ZFAND3: variants seen among roughly 807,000 people sequenced by gnomAD.
ZFAND3 encodes the protein zinc finger AN1-type containing 3, also known as AN1-type zinc finger protein 3.
A neutral mutation model predicts 29.6 loss-of-function variants in ZFAND3; 10 were observed. The observed-to-expected ratio is 0.34, with a 90% CI of 0.21 to 0.57. ZFAND3 has a LOEUF of 0.57. Among genes scored for constraint, ZFAND3 ranks in the 20% least tolerant of loss-of-function variants. The pLI is 0.86. For missense variants in ZFAND3, 230 were observed against 304.5 expected, an observed-to-expected ratio of 0.76 and a Z score of 1.82; for synonymous variants, 128 against 112.6, an observed-to-expected ratio of 1.14 and a Z score of -0.87.
chr6:38,103,469 GTATA>G (rs1165121927), intron 4 of ZFAND3, among the ~76,000 whole-genome samples: 1 of 136,272 alleles, frequency 7.3e-6, no homozygotes, highest in Non-Finnish European at 1.5e-5. Context: ...ATATACACGT[GTATA>G]TATATACACA....
chr6:38,105,380 G>A (rs988007641), intron 4 of ZFAND3, among the ~76,000 whole-genome samples: 4 of 152,142 alleles, frequency 2.6e-5, no homozygotes, highest in South Asian at 2.1e-4. Flanking sequence ...ACTCCAGCTC[G>A]GGTAACAGAG....
At chr6:38,150,456 G>C (rs1299952567) in intron 5 of ZFAND3, among the ~76,000 whole-genome samples, 1 of 152,202 alleles carries the variant, frequency 6.6e-6, no homozygotes, top group African/African-American at 2.4e-5. Flanking sequence ...TTCCTAGTAG[G>C]GTGTGAGTGC....
intron 2 of ZFAND3, among the ~76,000 whole-genome samples, chr6:37,961,441 G>A (rs1045180780): frequency 6.6e-6 from 1 of 152,240 alleles, no homozygotes; most frequent in African/African-American, 2.4e-5. Context: ...CTGCCCTGAA[G>A]GGAAGGACAT....
chr6:38,008,258 G>T (rs960608882), intron 2 of ZFAND3, among the ~76,000 whole-genome samples: 51 of 152,214 alleles, frequency 3.4e-4, no homozygotes, highest in Middle Eastern at 3.4e-3. Flanking sequence ...CTTGAGACCT[G>T]CATTAATGAT....
At chr6:38,068,212 T>C (rs1326483334) in intron 3 of ZFAND3, among the ~76,000 whole-genome samples, 1 of 152,210 alleles carries the variant, frequency 6.6e-6, no homozygotes, top group Non-Finnish European at 1.5e-5. Flanking sequence ...ATCCAGCCTA[T>C]CATCTGTTTT....
chr6:37,896,514 T>TTTTCTTTTCTTTCTTTC (rs71542145), intron 1 of ZFAND3, among the ~76,000 whole-genome samples: 10 of 109,100 alleles, frequency 9.2e-5, no homozygotes, highest in South Asian at 3.3e-4. Context: ...TTCCTCTTTC[T>TTTTCTTTTCTTTCTTTC]TTTCTTTCTT....
At chr6:38,091,460 T>C (rs983740331) in intron 4 of ZFAND3, among the ~76,000 whole-genome samples, 3 of 149,868 alleles carry the variant, frequency 2.0e-5, no homozygotes, top group African/African-American at 7.4e-5. Context: ...CTCTCCTCCT[T>C]TGAAACTTTA....
intron 2 of ZFAND3, among the ~76,000 whole-genome samples, chr6:38,023,472 A>G (rs1466798095): frequency 6.6e-6 from 1 of 152,244 alleles, no homozygotes; most frequent in Admixed American, 6.5e-5. Flanking sequence ...TGATTTAGCC[A>G]TTCCACAATG....
intron 1 of ZFAND3, among the ~76,000 whole-genome samples, chr6:37,899,595 C>G (rs1765282069): frequency 2.0e-5 from 3 of 152,174 alleles, no homozygotes; most frequent in Admixed American, 1.3e-4. Context: ...TAAACTAATA[C>G]TTGAAATAAG....
At chr6:37,905,913 T>C (rs1224568640) in intron 1 of ZFAND3, among the ~76,000 whole-genome samples, 1 of 152,126 alleles carries the variant, frequency 6.6e-6, no homozygotes, top group Non-Finnish European at 1.5e-5. Flanking sequence ...TTTAATATTT[T>C]GACATACCTA....
chr6:38,141,469 A>G (rs1765953017), intron 5 of ZFAND3, among the ~76,000 whole-genome samples: 1 of 152,210 alleles, frequency 6.6e-6, no homozygotes, highest in African/African-American at 2.4e-5. Context: ...TGGTGTCCCT[A>G]ACCACTGAGT....
rs1765601910 is a variant in ZFAND3, at chr6:38,124,774, G to T, written c.529+8035G>T. On this transcript the variant is annotated intron_variant, in intron 5 of 5. Transcript: ENST00000287218. The stretch of plus-strand genomic sequence containing the variant: ...CCCAGAGAGGGGCCCCCACAGCGCA[G>T]TGGCGGGCTGAAGGGCTCCCTGAGC... Among the ~76,000 whole-genome samples the T allele has an allele frequency of 1.3e-5, 2 of 152,230 alleles. 1 individual carries two copies. The highest frequency in any genetic ancestry group is 4.1e-4 in the South Asian group (2 of 4,836).
chr6:38,054,470 G>T (rs1764095756), intron 2 of ZFAND3, among the ~76,000 whole-genome samples: 1 of 150,258 alleles, frequency 6.7e-6, no homozygotes. Flanking sequence ...TCTGAGATCA[G>T]TGAAGAGAGT....
chr6:37,912,389 A>C (rs1359930601), intron 1 of ZFAND3, among the ~76,000 whole-genome samples: 1 of 152,180 alleles, frequency 6.6e-6, no homozygotes, highest in African/African-American at 2.4e-5. Context: ...ATGGTTCAGG[A>C]AAGTTGGCGA....
chr6:38,047,218 G>T (rs1393054861), intron 2 of ZFAND3, among the ~76,000 whole-genome samples: 1 of 151,802 alleles, frequency 6.6e-6, no homozygotes, highest in Admixed American at 6.6e-5. Context: ...AGGAGGCTGA[G>T]GCAGGAGAAT....
chr6:37,959,817 A>G lies in ZFAND3; in HGVS notation c.112+29818A>G, dbSNP rs912489481. Among the ~76,000 whole-genome samples the G allele has an allele frequency of 2.6e-5, 4 of 152,322 alleles. 1 individual carries two copies. The East Asian group carries it at 7.7e-4, about 29-fold the overall frequency. On this transcript the variant is annotated intron_variant, in intron 2 of 5. Coordinates refer to ENST00000287218, the MANE Select transcript of ZFAND3 (RefSeq NM_021943.3). ...TAGAGGCTAGTTCCTCAGGCTTACA[A>G]TTTAAACTGCTTTCTTCTTGAGAAC...
chr6:38,102,321 A>G (rs1765111914), intron 4 of ZFAND3, among the ~76,000 whole-genome samples: 1 of 152,186 alleles, frequency 6.6e-6, no homozygotes, highest in Non-Finnish European at 1.5e-5. Flanking sequence ...GATAATTTAC[A>G]TGGGAATATC....
chr6:38,050,783 C>T (rs1267629560), intron 2 of ZFAND3, among the ~76,000 whole-genome samples: 1 of 152,188 alleles, frequency 6.6e-6, no homozygotes, highest in South Asian at 2.1e-4. Context: ...AGCTGACATT[C>T]TTAAAATATA....
At chr6:37,851,570 A>C (rs1415892580) in intron 1 of ZFAND3, among the ~76,000 whole-genome samples, 1 of 148,136 alleles carries the variant, frequency 6.8e-6, no homozygotes, top group Non-Finnish European at 1.5e-5. Flanking sequence ...GTTGTTCCCT[A>C]CTTACAGTAT....
Sources: gnomAD v4.1 joint callset for allele counts (sites outside exome capture counted in the v4.1 genomes callset) on GRCh38, gnomAD v4.1.1 for gene constraint, MANE v1.5 for transcripts, NCBI Gene and HGNC (gene_info 2026-07-23, HGNC 2026-07-21) for gene names.